The following LOC400499 variants were observed in gnomAD, a reference collection of about 807,000 sequenced individuals.
chr16:11,494,417 T>G, the LOC400499 span, among the ~76,000 whole-genome samples: 14 of 135,566 alleles, frequency 1.0e-4, no homozygotes, highest in South Asian at 2.4e-4. Flanking sequence ...GGCAGGAGGG[T>G]GAGGAGACGG....
chr16:11,471,349 G>C, the LOC400499 span: 1 of 246,678 alleles, frequency 4.1e-6, no homozygotes, highest in South Asian at 1.8e-4. Context: ...TGATTAAAAG[G>C]GAAGAAATGT....
chr16:11,455,942 C>T, the LOC400499 span, among the ~76,000 whole-genome samples: 1 of 151,848 alleles, frequency 6.6e-6, no homozygotes, highest in Non-Finnish European at 1.5e-5. Flanking sequence ...TGGGACCCAG[C>T]TTCGACAATG....
the LOC400499 span, among the ~76,000 whole-genome samples, chr16:11,496,028 G>C: frequency 6.6e-6 from 1 of 152,026 alleles, no homozygotes; most frequent in African/African-American, 2.4e-5. Context: ...GGGACTGCTT[G>C]GCAGCTGTGG....
At chr16:11,509,932 G>A in the LOC400499 span, among the ~76,000 whole-genome samples, 2 of 146,378 alleles carry the variant, frequency 1.4e-5, no homozygotes, top group Non-Finnish European at 3.0e-5. Flanking sequence ...TATACTGGAA[G>A]CCAGGAATGG....
the LOC400499 span, among the ~76,000 whole-genome samples, chr16:11,380,276 A>T: frequency 6.6e-6 from 1 of 150,834 alleles, no homozygotes; most frequent in Non-Finnish European, 1.5e-5. Context: ...GACTCCCTTT[A>T]GCATTTCTTG....
the LOC400499 span, among the ~76,000 whole-genome samples, chr16:11,379,926 G>C: frequency 6.6e-6 from 1 of 152,122 alleles, no homozygotes. Context: ...CTCTTTGACA[G>C]CTCTGTCCCC....
chr16:11,459,810 G>C, the LOC400499 span: 1 of 1,220,502 alleles, frequency 8.2e-7, no homozygotes, highest in Non-Finnish European at 1.0e-6. Context: ...TGTAGCCAGG[G>C]CCAGAGGGCC....
At chr16:11,511,234 C>G in the LOC400499 span, among the ~76,000 whole-genome samples, 626 of 152,242 alleles carry the variant, frequency 4.1e-3, 4 homozygotes, top group African/African-American at 0.014. Flanking sequence ...TGGGCTCAAG[C>G]AATCTGCTCA....
the LOC400499 span, among the ~76,000 whole-genome samples, chr16:11,496,453 G>A: frequency 6.6e-6 from 1 of 152,246 alleles, no homozygotes; most frequent in East Asian, 1.9e-4. Flanking sequence ...GTGTGAAGGT[G>A]TGAACATAAG....
chr16:11,513,220 A>G, the LOC400499 span, among the ~76,000 whole-genome samples: 89,635 of 151,560 alleles, frequency 0.59, 26,957 homozygotes, highest in Admixed American at 0.66. Flanking sequence ...CCTGGGCAAC[A>G]TAGTGAAACC....
the LOC400499 span, among the ~76,000 whole-genome samples, chr16:11,519,234 T>G: frequency 6.6e-6 from 1 of 152,140 alleles, no homozygotes; most frequent in African/African-American, 2.4e-5. Flanking sequence ...GGAAGTTTGG[T>G]TGAGGGATTC....
At chr16:11,482,967 A>G in the LOC400499 span, among the ~76,000 whole-genome samples, 1 of 152,334 alleles carries the variant, frequency 6.6e-6, no homozygotes, top group South Asian at 2.1e-4. Flanking sequence ...AAACTCAGTA[A>G]TAAGAAAACA....
the LOC400499 span, chr16:11,372,354 T>A: frequency 6.6e-6 from 1 of 152,260 alleles, no homozygotes; most frequent in Non-Finnish European, 1.5e-5. Context: ...CAGTCAGCGT[T>A]CTGAAGCAGT....
chr16:11,384,769 G>T, the LOC400499 span: 1 of 899,392 alleles, frequency 1.1e-6, no homozygotes, highest in South Asian at 5.8e-5. Context: ...CCATGCTAGA[G>T]ACGAGGCCGG....
At chr16:11,425,723 C>A in the LOC400499 span, among the ~76,000 whole-genome samples, 30,787 of 152,044 alleles carry the variant, frequency 0.2, 3,541 homozygotes, top group Non-Finnish European at 0.26. Flanking sequence ...TTCCAAAAAA[C>A]TCCCACAAAG....
chr16:11,450,723 C>T, the LOC400499 span: 13 of 1,536,032 alleles, frequency 8.5e-6, no homozygotes, highest in African/African-American at 4.1e-5. Context: ...CCTTGCCCAG[C>T]GTTAGCTCCA....
At chr16:11,464,154 T>C in the LOC400499 span, among the ~76,000 whole-genome samples, 7 of 64,426 alleles carry the variant, frequency 1.1e-4, no homozygotes, top group Admixed American at 1.3e-3. Flanking sequence ...GTATGATGTG[T>C]ATGTGTATGG....
chr16:11,515,860 A>G, the LOC400499 span: 29 of 163,252 alleles, frequency 1.8e-4, no homozygotes, highest in African/African-American at 3.8e-4. Context: ...GGCCCAGCCC[A>G]GCCCAGCCCA....
chr16:11,478,436 G>T, the LOC400499 span: 1 of 398,240 alleles, frequency 2.5e-6, no homozygotes, highest in Non-Finnish European at 4.4e-6. Flanking sequence ...GCTGGGATTG[G>T]ACCTTGGGCA....
Sources: allele counts gnomAD v4.1 joint callset (sites outside exome capture counted in the v4.1 genomes callset), GRCh38; gene constraint gnomAD v4.1.1; transcripts MANE v1.5.